Variants in VWA8 observed in about 807,000 individuals in gnomAD.
VWA8 encodes the protein von Willebrand factor A domain containing 8.
A neutral mutation model predicts 241.5 loss-of-function variants in VWA8; 221 were observed. That is an observed-to-expected ratio of 0.91 (90% CI 0.82 to 1.02). The LOEUF is 1.02. VWA8 is among the 50% of genes least tolerant of loss of function. The probability of loss-of-function intolerance (pLI) is 0.00; values close to 1 mark genes in which losing one functional copy is unlikely to be tolerated. For missense variants in VWA8, 2,322 were observed against 2,328.7 expected, an observed-to-expected ratio of 1.00 and a Z score of 0.06; for synonymous variants, 852 against 827.1, an observed-to-expected ratio of 1.03 and a Z score of -0.52.
At chr13:41,646,368 C>A (rs1014446179) in intron 37 of VWA8, among the ~76,000 whole-genome samples, 1 of 152,204 alleles carries the variant, frequency 6.6e-6, no homozygotes, top group African/African-American at 2.4e-5. Context: ...TGAGTGACGA[C>A]CACGTGCCGG....
chr13:41,884,220 C>A (rs191840484), intron 8 of VWA8, among the ~76,000 whole-genome samples: 2 of 152,180 alleles, frequency 1.3e-5, no homozygotes, highest in Non-Finnish European at 2.9e-5. Flanking sequence ...ACAATCCCCA[C>A]GTGTCATGGG....
intron 26 of VWA8, among the ~76,000 whole-genome samples, chr13:41,708,837 A>G (rs1397484440): frequency 6.6e-6 from 1 of 152,176 alleles, no homozygotes; most frequent in Admixed American, 6.5e-5. Context: ...CTCAGAGCCA[A>G]AGCAGATGTT....
At chr13:41,619,922 T>C (rs987659889) in intron 37 of VWA8, among the ~76,000 whole-genome samples, 1 of 152,244 alleles carries the variant, frequency 6.6e-6, no homozygotes, top group Non-Finnish European at 1.5e-5. Flanking sequence ...GATATTGGTC[T>C]AAAATTCTCT....
Position 41,868,362 on chromosome 13 carries a change from T to A in VWA8, c.1196A>T (p.Lys399Ile). Residue 399 changes from lysine (K) to isoleucine (I), a missense_variant, in exon 10 of 45, where the codon AAA becomes ATA. By Grantham distance (102) the Lys-to-Ile change is moderately radical. Transcript: ENST00000379310. ...ATTAATTACCTTAATGGTCACCTCTTTATCTGCAATCCGGATGGTCACAGA... is the reference window on the plus strand; with the variant it reads ...ATTAATTACCTTAATGGTCACCTCTATATCTGCAATCCGGATGGTCACAGA... ...QASVTIRIADKEVTIKVPAGT... is the reference protein window; with the variant it reads ...QASVTIRIADIEVTIKVPAGT... 1 of 1,614,076 alleles carries A rather than the reference T, an allele frequency of 6.2e-7. No individual in the cohort carries two copies. Among genetic ancestry groups the A allele is most frequent in the Non-Finnish European group, 8.5e-7 (1 of 1,180,006 alleles).
At chr13:41,708,584 G>C (rs886152199) in intron 26 of VWA8, among the ~76,000 whole-genome samples, 6 of 152,108 alleles carry the variant, frequency 3.9e-5, no homozygotes, top group African/African-American at 1.4e-4. Context: ...GTATACCTGA[G>C]TATTTGTACA....
intron 37 of VWA8, among the ~76,000 whole-genome samples, chr13:41,615,883 G>A (rs1482817572): frequency 1.3e-5 from 2 of 152,162 alleles, no homozygotes; most frequent in African/African-American, 4.8e-5. Context: ...ATAAATCAAA[G>A]CATTCACATT....
At chr13:41,812,084 C>T (rs1024050580) in intron 16 of VWA8, among the ~76,000 whole-genome samples, 3 of 152,092 alleles carry the variant, frequency 2.0e-5, no homozygotes, top group African/African-American at 7.2e-5. Context: ...AGGCTCAGTT[C>T]CCTCAACTTT....
chr13:41,575,940 C>G, intron 42 of VWA8, 102 bp from the exon 43 acceptor site: 1 of 791,350 alleles, frequency 1.3e-6, no homozygotes, highest in Non-Finnish European at 2.0e-6. Context: ...TCCAAAGTTG[C>G]TCAACATATG....
chr13:41,619,697 C>T lies in VWA8; in HGVS notation c.4612-4613G>A, dbSNP rs564958103. Among the ~76,000 whole-genome samples, 6 of 152,114 alleles carry T rather than the reference C, an allele frequency of 3.9e-5. No homozygotes were observed. The South Asian group carries it at 8.3e-4, about 21-fold the overall frequency. The stretch of plus-strand genomic sequence containing the variant: ...AGCATGAAGGAGTGTTGAATTTTGT[C>T]GAAGGCCTTTTCTGCATCTATTGAG... On this transcript the variant is annotated intron_variant, in intron 37 of 44. Coordinates refer to ENST00000379310, the MANE Select transcript of VWA8 (RefSeq NM_015058.2).
intron 9 of VWA8, among the ~76,000 whole-genome samples, chr13:41,874,136 G>C (rs1476277793): frequency 3.4e-4 from 52 of 151,132 alleles, no homozygotes; most frequent in South Asian, 6.3e-4. Flanking sequence ...ATTCAACAAC[G>C]CTTCATGCTA....
Position 41,887,321 on chromosome 13 carries a change from C to T in VWA8, c.692G>A (p.Arg231Gln), listed in dbSNP as rs139208404. The change falls in exon 6 of 45, where the codon CGA becomes CAA. Residue 231 changes from arginine to glutamine, a missense_variant. Physicochemically the swap from Arg to Gln is conservative, Grantham distance 43 (BLOSUM62 1). Coordinates refer to ENST00000379310, the MANE Select transcript of VWA8 (RefSeq NM_015058.2). Reference protein sequence around the residue: ...KKELDSWKIVRVSENFRVIAL... With the variant: ...KKELDSWKIVQVSENFRVIAL... Reference sequence around the variant, plus strand: ...AATCACTCGGAAATTTTCACTAACTCGGACAATTTTCCAAGAATCCAACTC... The same window carrying T: ...AATCACTCGGAAATTTTCACTAACTTGGACAATTTTCCAAGAATCCAACTC... 19 of 1,612,836 alleles carry T rather than the reference C, an allele frequency of 1.2e-5. No homozygotes were observed. The highest frequency in any genetic ancestry group is 6.7e-5 in the Admixed American group (4 of 59,650).
intron 4 of VWA8, among the ~76,000 whole-genome samples, chr13:41,902,333 T>A (rs1046016846): frequency 2.0e-5 from 3 of 152,202 alleles, no homozygotes; most frequent in Non-Finnish European, 4.4e-5. Context: ...GTAAAAATTA[T>A]ACATTATACA....
intron 37 of VWA8, among the ~76,000 whole-genome samples, chr13:41,636,531 T>C (rs923718571): frequency 2.6e-5 from 4 of 152,160 alleles, no homozygotes; most frequent in African/African-American, 9.7e-5. Flanking sequence ...GGACTTCATG[T>C]CTAAAACACC....
intron 37 of VWA8, among the ~76,000 whole-genome samples, chr13:41,646,536 C>A (rs1260393737): frequency 1.3e-5 from 2 of 152,080 alleles, no homozygotes; most frequent in African/African-American, 4.8e-5. Flanking sequence ...TTGGAGGAGC[C>A]AGGATTGAAA....
chr13:41,631,950 C>T (rs1264259913), intron 37 of VWA8, among the ~76,000 whole-genome samples: 1 of 152,176 alleles, frequency 6.6e-6, no homozygotes, highest in Non-Finnish European at 1.5e-5. Context: ...TGAGAGACAG[C>T]ATGGGTAGGG....
intron 40 of VWA8, among the ~76,000 whole-genome samples, chr13:41,592,980 T>C (rs929184809): frequency 2.6e-5 from 4 of 152,246 alleles, no homozygotes; most frequent in Non-Finnish European, 5.9e-5. Flanking sequence ...TTGCAGTGGA[T>C]AAAACACATA....
chr13:41,825,883 G>A (rs1335337343), intron 14 of VWA8, among the ~76,000 whole-genome samples: 2 of 152,262 alleles, frequency 1.3e-5, no homozygotes, highest in East Asian at 3.9e-4. Flanking sequence ...ACACATGCTA[G>A]ATAATGGGTC....
Position 41,570,665 on chromosome 13 carries a change from G to T in VWA8, c.5412C>A (p.His1804Gln). 1.2e-6 allele frequency: 2 copies of T among 1,614,204 alleles called. No individual in the cohort carries two copies. The highest frequency in any genetic ancestry group is 1.7e-6 in the Non-Finnish European group (2 of 1,180,048). The stretch of plus-strand genomic sequence containing the variant: ...TGGCATGTTCTGTCCCTTCTAACGT[G>T]TGGTCCCCACTCATGCAGAACTGAG... ...AHSQFCMSGD[H>Q]TLEGTEHAIK... is the part of the protein sequence containing the mutation. Residue 1804 changes from histidine to glutamine, a missense_variant, in exon 44 of 45, where the codon CAC becomes CAA. His to Gln is a conservative substitution (Grantham distance 24). Transcript: ENST00000379310.
intron 37 of VWA8, among the ~76,000 whole-genome samples, chr13:41,621,148 A>G (rs1353565677): frequency 6.6e-6 from 1 of 152,208 alleles, no homozygotes; most frequent in Non-Finnish European, 1.5e-5. Flanking sequence ...AATTACCCAT[A>G]CAACTATTTT....
Sources: gnomAD v4.1 joint callset for allele counts (sites outside exome capture counted in the v4.1 genomes callset) on GRCh38, gnomAD v4.1.1 for gene constraint, MANE v1.5 for transcripts, NCBI Gene and HGNC (gene_info 2026-07-23, HGNC 2026-07-21) for gene names.